Variants in LPCAT2 observed in about 807,000 individuals in gnomAD.
LPCAT2 encodes lysophosphatidylcholine acyltransferase 2, also known as 1-AGP acyltransferase 11.
A neutral mutation model predicts 64.7 loss-of-function variants in LPCAT2; 58 were observed. That is an observed-to-expected ratio of 0.90 (90% CI 0.73 to 1.12). The LOEUF (loss-of-function observed/expected upper bound fraction) is 1.12. LPCAT2 is among the 50% of genes most tolerant of loss of function. The probability of loss-of-function intolerance (pLI) is 0.00; values close to 1 mark genes in which losing one functional copy is unlikely to be tolerated. For synonymous variants in LPCAT2, 252 were observed against 245.3 expected, an observed-to-expected ratio of 1.03 and a Z score of -0.26; for missense variants, 579 against 669.8, an observed-to-expected ratio of 0.86 and a Z score of 1.50.
intron 13 of LPCAT2, among the ~76,000 whole-genome samples, chr16:55,580,691 A>G (rs114273743): frequency 0.019 from 2,950 of 152,254 alleles, 93 homozygotes; most frequent in African/African-American, 0.064. Flanking sequence ...GGGGTTCCCA[A>G]CCCTTAGGCC....
chr16:55,571,123 A>G (rs139512369), intron 11 of LPCAT2, among the ~76,000 whole-genome samples: 2 of 152,338 alleles, frequency 1.3e-5, no homozygotes, highest in African/African-American at 4.8e-5. Context: ...CCATATCCTT[A>G]AATTTTACTA....
At chr16:55,538,679 C>CAAAAAAAAA (rs3040226) in intron 8 of LPCAT2, 2 of 90,874 alleles carry the variant, frequency 2.2e-5, no homozygotes, top group Non-Finnish European at 4.5e-5. Context: ...TCACTGTGGC[C>CAAAAAAAAA]AAAAAAAAAA....
intron 11 of LPCAT2, among the ~76,000 whole-genome samples, chr16:55,552,352 G>A (rs1000500178): frequency 6.6e-6 from 1 of 152,154 alleles, no homozygotes; most frequent in Admixed American, 6.5e-5. Context: ...CCTAGTTGAG[G>A]AATATTTGGT....
At chr16:55,571,651 C>A (rs1031749823) in intron 11 of LPCAT2, among the ~76,000 whole-genome samples, 2 of 151,938 alleles carry the variant, frequency 1.3e-5, no homozygotes, top group Non-Finnish European at 2.9e-5. Flanking sequence ...GTTTATAATT[C>A]TTCCTGGGGA....
At chr16:55,580,285 G>A (rs11076105) in intron 13 of LPCAT2, among the ~76,000 whole-genome samples, 82,943 of 151,920 alleles carry the variant, frequency 0.55, 23,076 homozygotes, top group East Asian at 0.73. Context: ...AATGGGAAGT[G>A]TAAATACTGA....
At chr16:55,518,720 G>A (rs1164494786) in intron 1 of LPCAT2, among the ~76,000 whole-genome samples, 1 of 152,226 alleles carries the variant, frequency 6.6e-6, no homozygotes, top group South Asian at 2.1e-4. Flanking sequence ...CAATTGGATT[G>A]ACATGTGCAG....
intron 5 of LPCAT2, 73 bp downstream of exon 5, chr16:55,532,047 C>A: frequency 2.1e-6 from 2 of 949,100 alleles, no homozygotes; most frequent in East Asian, 2.4e-5. Context: ...TAGAAATACA[C>A]AAAATAACTC....
intron 11 of LPCAT2, chr16:55,567,521 C>G: frequency 1.2e-6 from 2 of 1,605,098 alleles, no homozygotes; most frequent in Non-Finnish European, 1.7e-6. Flanking sequence ...ACTGAGAAGT[C>G]AAGATCCTCC....
At chr16:55,555,628 A>G (rs1034576179) in intron 11 of LPCAT2, among the ~76,000 whole-genome samples, 1 of 152,188 alleles carries the variant, frequency 6.6e-6, no homozygotes, top group Non-Finnish European at 1.5e-5. Context: ...GATCTCATAG[A>G]TGAACTATTC....
Position 55,571,823 on chromosome 16 carries a change from A to T in LPCAT2, c.1216-2808A>T, listed in dbSNP as rs1230703414. ...GCTATTTGCTTTAGTAAGCAGCCAG[A>T]TTATCTAAATTTTAATTGCAGCTAT... is the stretch of plus-strand genomic sequence containing the variant. On this transcript the variant is annotated intron_variant, in intron 11 of 13. Transcript: ENST00000262134. Among the ~76,000 whole-genome samples the T allele has an allele frequency of 6.6e-5, 10 of 152,108 alleles. No individual in the cohort carries two copies. In the East Asian group the frequency reaches 1.9e-3, roughly 29 times the overall value.
At chr16:55,528,117 G>A (rs1367661291) in intron 2 of LPCAT2, among the ~76,000 whole-genome samples, 1 of 152,144 alleles carries the variant, frequency 6.6e-6, no homozygotes, top group African/African-American at 2.4e-5. Flanking sequence ...TCTATAAAAT[G>A]GGAGTAATAA....
intron 8 of LPCAT2, among the ~76,000 whole-genome samples, chr16:55,537,912 T>C (rs1326537811): frequency 6.6e-5 from 10 of 152,188 alleles, no homozygotes; most frequent in Non-Finnish European, 1.2e-4. Context: ...AATTGAATGA[T>C]ATATTTTCAC....
intron 1 of LPCAT2, among the ~76,000 whole-genome samples, chr16:55,520,045 A>C (rs1448707871): frequency 2.6e-5 from 4 of 152,218 alleles, no homozygotes; most frequent in African/African-American, 9.6e-5. Context: ...ATTTATACCC[A>C]AATACATCAA....
intron 11 of LPCAT2, among the ~76,000 whole-genome samples, chr16:55,563,933 C>A (rs1387514110): frequency 6.6e-6 from 1 of 151,762 alleles, no homozygotes; most frequent in Non-Finnish European, 1.5e-5. Flanking sequence ...ATGATATGAT[C>A]TTATTTGTAG....
At chr16:55,558,425 T>C (rs557379945) in intron 11 of LPCAT2, among the ~76,000 whole-genome samples, 2 of 152,374 alleles carry the variant, frequency 1.3e-5, no homozygotes, top group Admixed American at 1.3e-4. Flanking sequence ...TCTGTACCTA[T>C]AAAACAGTTC....
At chr16:55,569,660 A>C (rs1963747818) in intron 11 of LPCAT2, among the ~76,000 whole-genome samples, 1 of 152,144 alleles carries the variant, frequency 6.6e-6, no homozygotes, top group Non-Finnish European at 1.5e-5. Flanking sequence ...TACTTTTACA[A>C]TTCTCTTCCA....
intron 11 of LPCAT2, among the ~76,000 whole-genome samples, chr16:55,572,708 C>T (rs1184156116): frequency 2.0e-5 from 3 of 152,134 alleles, no homozygotes; most frequent in African/African-American, 7.2e-5. Flanking sequence ...GTAGTTACAG[C>T]TCCTTTGGAG....
At chr16:55,545,838 A>G (rs1963447392) in intron 9 of LPCAT2, 21 bp downstream of exon 9, 1 of 1,535,960 alleles carries the variant, frequency 6.5e-7, no homozygotes, top group Non-Finnish European at 8.9e-7. Context: ...ATATTTGATT[A>G]TAACTCATAA....
Position 55,558,947 on chromosome 16 carries a change from A to T in LPCAT2, c.1215+7845A>T, listed in dbSNP as rs1328553859. ...TAGTGATTGTTATTAATTTGTGGGT[A>T]TTCTACATCTGATTTAAAGGGATCA... is the stretch of plus-strand genomic sequence containing the variant. On this transcript the variant is annotated intron_variant, in intron 11 of 13. Transcript: ENST00000262134. Among the ~76,000 whole-genome samples, 10 of 152,232 alleles carry T rather than the reference A, an allele frequency of 6.6e-5. 1 individual carries two copies. Among genetic ancestry groups the T allele is most frequent in the Non-Finnish European group, 1.3e-4 (9 of 67,992 alleles).
Sources: allele counts gnomAD v4.1 joint callset (sites outside exome capture counted in the v4.1 genomes callset), GRCh38; gene constraint gnomAD v4.1.1; transcripts MANE v1.5; gene names NCBI Gene and HGNC (gene_info 2026-07-23, HGNC 2026-07-21).